The following NSG2 variants were observed in gnomAD, a reference collection of about 807,000 sequenced individuals.
NSG2 encodes neuronal vesicle trafficking associated 2.
In NSG2, 4 loss-of-function variants were observed where a neutral mutation model predicts 16.9. That is an observed-to-expected ratio of 0.24 (90% CI 0.12 to 0.54). The LOEUF (loss-of-function observed/expected upper bound fraction) is 0.54, where lower values mean the gene tolerates loss of function less well. Among genes scored for constraint, NSG2 ranks in the 20% least tolerant of loss-of-function variants. The probability of loss-of-function intolerance (pLI) is 0.95; values close to 1 mark genes in which losing one functional copy is unlikely to be tolerated. For missense variants in NSG2, 179 were observed against 221.1 expected, an observed-to-expected ratio of 0.81 and a Z score of 1.21; for synonymous variants, 98 against 88.7, an observed-to-expected ratio of 1.11 and a Z score of -0.59.
intron 3 of NSG2, among the ~76,000 whole-genome samples, chr5:174,076,881 T>C (rs757709303): frequency 2.6e-5 from 4 of 152,200 alleles, no homozygotes; most frequent in African/African-American, 4.8e-5. Flanking sequence ...CCCCAAATGC[T>C]GAGAAACCTT....
intron 2 of NSG2, among the ~76,000 whole-genome samples, chr5:174,048,614 G>A (rs1464935360): frequency 1.3e-5 from 2 of 152,194 alleles, no homozygotes; most frequent in East Asian, 3.8e-4. Context: ...TCTTTAAGAA[G>A]TGTGAAAAGA....
chr5:174,065,673 G>A (rs879465637), intron 3 of NSG2, among the ~76,000 whole-genome samples: 1 of 152,194 alleles, frequency 6.6e-6, no homozygotes, highest in African/African-American at 2.4e-5. Context: ...TGGCCAGTGG[G>A]TGGAGAGATG....
chr5:174,063,930 A>G (rs1480628172), intron 2 of NSG2, among the ~76,000 whole-genome samples: 1 of 152,232 alleles, frequency 6.6e-6, no homozygotes, highest in Non-Finnish European at 1.5e-5. Flanking sequence ...TATAAACTAT[A>G]AAGTATGAAT....
At position 174,090,839 on chromosome 5, in the gene NSG2, G is replaced by A. The variant is rs149472601; in HGVS notation, c.214-13389G>A. ...ATGTCCAGAGGAGATACTGCTGGGT[G>A]TGCTAGACTGTGGTATTAGCAGAAT... is the stretch of plus-strand genomic sequence containing the variant. On this transcript the variant is annotated intron_variant, in intron 3 of 4. Transcript: ENST00000303177. Among the ~76,000 whole-genome samples, 23 of 152,320 alleles carry A rather than the reference G, an allele frequency of 1.5e-4. No individual in the cohort carries two copies. In the East Asian group the frequency reaches 3.7e-3, roughly 24 times the overall value.
At chr5:174,057,695 CCT>C (rs1177499419) in intron 2 of NSG2, among the ~76,000 whole-genome samples, 25 of 152,198 alleles carry the variant, frequency 1.6e-4, no homozygotes, top group African/African-American at 5.6e-4. Flanking sequence ...CTTCAAGGTG[CCT>C]AGCATGGCAT....
At chr5:174,100,843 T>C (rs6881757) in intron 3 of NSG2, among the ~76,000 whole-genome samples, 51,712 of 152,222 alleles carry the variant, frequency 0.34, 12,104 homozygotes, top group African/African-American at 0.67. Context: ...TAACCTGCTG[T>C]TGGCCAGGGG....
chr5:174,096,299 C>T (rs1760793291), intron 3 of NSG2, among the ~76,000 whole-genome samples: 1 of 152,160 alleles, frequency 6.6e-6, no homozygotes, highest in Non-Finnish European at 1.5e-5. Context: ...AGCGGCTCAA[C>T]ATTGCCTGAG....
At chr5:174,092,675 T>A (rs1215256931) in intron 3 of NSG2, among the ~76,000 whole-genome samples, 1 of 152,254 alleles carries the variant, frequency 6.6e-6, no homozygotes, top group Non-Finnish European at 1.5e-5. Context: ...TGACTCTCTT[T>A]CCTTTTGCAT....
chr5:174,065,282 C>T (rs563474730), intron 3 of NSG2, among the ~76,000 whole-genome samples: 7 of 150,484 alleles, frequency 4.7e-5, no homozygotes, highest in East Asian at 2.0e-4. Flanking sequence ...GAGCCAAGAT[C>T]GCACCACTGC....
At chr5:174,088,742 T>G (rs1023484759) in intron 3 of NSG2, among the ~76,000 whole-genome samples, 2 of 152,102 alleles carry the variant, frequency 1.3e-5, no homozygotes, top group Non-Finnish European at 2.9e-5. Flanking sequence ...CATCCGTGCT[T>G]CAAGGTGGCT....
chr5:174,068,972 A>G (rs1018150620), intron 3 of NSG2, among the ~76,000 whole-genome samples: 6 of 137,632 alleles, frequency 4.4e-5, no homozygotes, highest in Non-Finnish European at 7.7e-5. Flanking sequence ...AGTACTATGG[A>G]GGGTGCTGGT....
At chr5:174,047,824 T>C (rs10072985) in intron 2 of NSG2, among the ~76,000 whole-genome samples, 3,166 of 152,296 alleles carry the variant, frequency 0.021, 122 homozygotes, top group African/African-American at 0.072. Flanking sequence ...GGTTTTATTA[T>C]GTGAGCTTTT....
Position 174,107,280 on chromosome 5 carries a change from G to C in NSG2, c.325-34G>C. ...CTGGGCAGGTTGGGAGCAGTTTGCT[G>C]AATGACCCCTGACTCTGTCTCTTTC... On this transcript the variant is annotated intron_variant, in intron 4 of 4. Coordinates refer to ENST00000303177, the MANE Select transcript of NSG2 (RefSeq NM_015980.5). This position sits in a 1 kb window ranked among gnomAD's most constrained non-coding sequence, Gnocchi z 4.5. The C allele has an allele frequency of 6.6e-7, 1 of 1,508,328 alleles. No homozygotes were observed. Among genetic ancestry groups the C allele is most frequent in the Non-Finnish European group, 8.9e-7 (1 of 1,124,072 alleles). The allele number at this position is 1,508,328 out of a possible 1,614,324, so 93.4% of individuals were successfully genotyped here.
chr5:174,079,547 T>C (rs866960939), intron 3 of NSG2, among the ~76,000 whole-genome samples: 8 of 152,278 alleles, frequency 5.3e-5, no homozygotes, highest in Admixed American at 3.3e-4. Context: ...TGAGCCACCA[T>C]GCCTGGCCAT....
At chr5:174,106,603 T>C (rs1760985255) in intron 4 of NSG2, among the ~76,000 whole-genome samples, 1 of 123,310 alleles carries the variant, frequency 8.1e-6, no homozygotes, top group South Asian at 2.7e-4. Context: ...TTTTTTTTTT[T>C]TTTTTTTTTG....
At chr5:174,046,915 C>A in intron 2 of NSG2, 31 bp downstream of exon 2, 1 of 1,607,580 alleles carries the variant, frequency 6.2e-7, no homozygotes, top group Non-Finnish European at 8.5e-7. Context: ...CTCATCAGCC[C>A]CCAGGCTCCC....
At chr5:174,093,693 C>T (rs757324229) in intron 3 of NSG2, among the ~76,000 whole-genome samples, 2 of 152,242 alleles carry the variant, frequency 1.3e-5, no homozygotes, top group African/African-American at 2.4e-5. Context: ...CTGCCACATA[C>T]AGAAGGCAAA....
chr5:174,057,421 A>T (rs1389164730), intron 2 of NSG2, among the ~76,000 whole-genome samples: 2 of 152,236 alleles, frequency 1.3e-5, no homozygotes, highest in South Asian at 2.1e-4. Flanking sequence ...AGTACTAAAA[A>T]AAAGGAACTG....
At chr5:174,059,775 C>T (rs1481589780) in intron 2 of NSG2, among the ~76,000 whole-genome samples, 2 of 152,162 alleles carry the variant, frequency 1.3e-5, no homozygotes, top group African/African-American at 2.4e-5. Flanking sequence ...TGTTCTTCTC[C>T]TGGTTCCCAT....
Sources: gnomAD v4.1 joint callset for allele counts (sites outside exome capture counted in the v4.1 genomes callset) on GRCh38, gnomAD v4.1.1 for gene constraint, Gnocchi (gnomAD v3.1) non-coding constraint, MANE v1.5 for transcripts, NCBI Gene and HGNC (gene_info 2026-07-23, HGNC 2026-07-21) for gene names.